Variants in EVPL observed in about 807,000 individuals in gnomAD.
EVPL encodes envoplakin.
In EVPL, 94 loss-of-function variants were observed where a neutral mutation model predicts 129.7. That is an observed-to-expected ratio of 0.72 (90% CI 0.61 to 0.86). The LOEUF is 0.86. EVPL is among the 40% of genes least tolerant of loss of function. The pLI, the probability that EVPL is intolerant of heterozygous loss-of-function variation, is 0.00. For missense variants in EVPL, 2,625 were observed against 2,721.1 expected, an observed-to-expected ratio of 0.96 and a Z score of 0.79; for synonymous variants, 1,172 against 1,191.1, an observed-to-expected ratio of 0.98 and a Z score of 0.33.
intron 9 of EVPL, 43 bp downstream of exon 9, chr17:76,021,425 C>A (rs751208425): frequency 1.3e-6 from 2 of 1,560,802 alleles, no homozygotes; most frequent in South Asian, 2.4e-5. Context: ...CCCCTGCCGC[C>A]CCTGCCGCCC....
Position 76,015,097 on chromosome 17 carries a change from C to A in EVPL, c.2041G>T (p.Glu681Ter). 6.4e-7 allele frequency: 1 copy of A among 1,574,364 alleles called. No individual in the cohort carries two copies. Among genetic ancestry groups the A allele is most frequent in the Non-Finnish European group, 8.6e-7 (1 of 1,160,176 alleles). Residue 681 changes from glutamate (E) to a stop codon, truncating the protein, a stop_gained, in exon 17 of 22, where the codon GAG becomes TAG. Coordinates refer to ENST00000301607, the MANE Select transcript of EVPL (RefSeq NM_001988.4). LOFTEE classifies it high-confidence loss of function. Reference protein sequence around the residue: ...RVSELQRQRRELLEQQTCVLR... With the variant: ...RVSELQRQRR Reference sequence around the variant, plus strand: ...ACGCAGGTCTGCTGTTCCAGCAGCTCCCTCCGCTGGCGCTGCAGGAGGAGG... The same window carrying A: ...ACGCAGGTCTGCTGTTCCAGCAGCTACCTCCGCTGGCGCTGCAGGAGGAGG...
In EVPL at chr17:76,006,964, A is replaced by G. The variant is rs992164616; in HGVS notation, c.*139T>C. 3 of 1,012,378 alleles carry G rather than the reference A, an allele frequency of 3.0e-6. No individual in the cohort carries two copies. The highest frequency in any genetic ancestry group is 3.8e-6 in the Non-Finnish European group (3 of 780,994). The allele number at this position is 1,012,378 out of a possible 1,614,324, so 62.7% of individuals were successfully genotyped here. A position where few individuals can be genotyped will look rare whatever the true frequency, so the allele number is the denominator to read the frequency against. ...CCAAGGTTAGGGGAGGGAGCCCATC[A>G]CCATGTTAGTAAAATAATAAAACAG... On this transcript the variant is annotated 3_prime_UTR_variant, in exon 22 of 22. Transcript: ENST00000301607.
chr17:76,018,896 A>G lies in EVPL; in HGVS notation c.1284+18T>C. ...GCGGGGCTGGATGGTGGCAGGGGTG[A>G]GGTGGGGGAGTTCGCACTTCTCCTG... On this transcript the variant is annotated intron_variant, in intron 11 of 21. Coordinates refer to ENST00000301607, the MANE Select transcript of EVPL (RefSeq NM_001988.4). 1 of 1,508,808 alleles carries G rather than the reference A, an allele frequency of 6.6e-7. No homozygotes were observed. Among genetic ancestry groups the G allele is most frequent in the Non-Finnish European group, 8.8e-7 (1 of 1,130,228 alleles). 93.5% of individuals were successfully genotyped at this position (1,508,808 alleles called of 1,614,324 possible). A position where few individuals can be genotyped will look rare whatever the true frequency, so the allele number is the denominator to read the frequency against.
Position 76,018,149 on chromosome 17 carries a change from C to T in EVPL, c.1537+12G>A. 5.2e-6 allele frequency: 8 copies of T among 1,550,890 alleles called. No individual in the cohort carries two copies. Among genetic ancestry groups the T allele is most frequent in the South Asian group, 2.4e-5 (2 of 84,062 alleles). Reference sequence around the variant, plus strand: ...GCCCCACAGCCACCTCTCCCCGGGCCACCCTGGGTACCCTGCTGGCTGGGC... The same window carrying T: ...GCCCCACAGCCACCTCTCCCCGGGCTACCCTGGGTACCCTGCTGGCTGGGC... On this transcript the variant is annotated intron_variant, in intron 13 of 21. Coordinates refer to ENST00000301607, the MANE Select transcript of EVPL (RefSeq NM_001988.4).
In EVPL at chr17:76,019,713, C is replaced by CAAACCAGCTGAACCT. The variant is rs1210159603; in HGVS notation, c.1012-75_1012-61dup. The CAAACCAGCTGAACCT allele has an allele frequency of 3.2e-6, 5 of 1,563,788 alleles. No individual in the cohort carries two copies. In the East Asian group the frequency reaches 1.2e-4, roughly 36 times the overall value. On this transcript the variant is annotated intron_variant, in intron 9 of 21. Transcript: ENST00000301607. ...TGCAACCTGCTGCCCACTGACCCTA[C>CAAACCAGCTGAACCT]AAACCAGCTGAACCTAAGCCAGCTA...
Position 76,007,604 on chromosome 17 carries a change from G to T in EVPL, c.5601C>A (p.Gly1867=). ...KLLEAQAATG[G]IVDLLSRERY... ...GCTCACGGCTGAGCAGGTCCACGAT[G>T]CCCCCTGTGGCCGCCTGGGCCTCCA... The change falls in exon 22 of 22, where the codon GGC becomes GGA. Residue 1867 remains glycine (G), a synonymous_variant. Transcript: ENST00000301607. The surrounding 1 kb of genome is among the most constrained non-coding windows in gnomAD (Gnocchi z 8.8). The T allele has an allele frequency of 6.2e-7, 1 of 1,613,922 alleles. No individual in the cohort carries two copies. Among genetic ancestry groups the T allele is most frequent in the Non-Finnish European group, 8.5e-7 (1 of 1,180,046 alleles).
rs773567962 is a variant in EVPL at position 76,015,570 on chromosome 17, C to A, written c.1769G>T (p.Cys590Phe). ...GTEKETAQKE[C>F]EAFLSTRPVG... ...GGGCCGCGTGGACAGAAACGCCTCG[C>A]ACTCCTTCTGGGCTGTCTCCTTCTC... The change falls in exon 15 of 22, where the codon TGC becomes TTC. Residue 590 changes from cysteine to phenylalanine, a missense_variant. Cys to Phe is a radical substitution (Grantham distance 205). Transcript: ENST00000301607. 24 of 1,613,362 alleles carry A rather than the reference C, an allele frequency of 1.5e-5. No homozygotes were observed. Among genetic ancestry groups the A allele is most frequent in the Non-Finnish European group, 1.9e-5 (22 of 1,180,040 alleles).
intron 9 of EVPL, among the ~76,000 whole-genome samples, chr17:76,020,564 A>G (rs1012394495): frequency 1.5e-4 from 22 of 150,436 alleles, no homozygotes; most frequent in African/African-American, 5.4e-4. Flanking sequence ...TGTATGAAAC[A>G]TTATCTGCCC....
rs760018710 is a variant in EVPL, at chr17:76,008,377, T to TCTG, written c.4825_4827dup (p.Gln1609dup). The TCTG allele has an allele frequency of 5.0e-6, 8 of 1,599,648 alleles. No individual in the cohort carries two copies. The highest frequency in any genetic ancestry group is 1.6e-4 in the Middle Eastern group (1 of 6,072). On this transcript the variant is annotated inframe_insertion, in exon 22 of 22. Coordinates refer to ENST00000301607, the MANE Select transcript of EVPL (RefSeq NM_001988.4). The surrounding 1 kb of genome is among the most constrained non-coding windows in gnomAD (Gnocchi z 7.4). ...TTCGACTCCTCCTGCAGCTGCAGTG[T>TCTG]CTGCTGCTGCTTCTGCCTCTCCAGA...
chr17:76,015,282 T>C lies in EVPL; in HGVS notation c.1973A>G (p.Glu658Gly), dbSNP rs1192704024. The C allele has an allele frequency of 1.2e-6, 2 of 1,602,806 alleles. No homozygotes were observed. Among genetic ancestry groups the C allele is most frequent in the Non-Finnish European group, 1.7e-6 (2 of 1,178,834 alleles). The change falls in exon 16 of 22, where the codon GAG (glutamate) becomes GGG (glycine). Residue 658 changes from glutamate (E) to glycine (G), a missense_variant. Glu to Gly is a moderately conservative substitution (Grantham distance 98). This residue lies in a region of EVPL where 1,024 missense variants were observed against 997.5 expected (regional missense o/e 1.03). Transcript: ENST00000301607. ...IRGFEATLVQEAPIPAEPGAL... is the reference protein window; with the variant it reads ...IRGFEATLVQGAPIPAEPGAL... ...CCCCGGTTCAGCAGGGATGGGGGCC[T>C]CCTGCACCAGGGTGGCCTCGAAGCC...
At chr17:76,016,580 C>A (rs1189350174) in intron 14 of EVPL, among the ~76,000 whole-genome samples, 1 of 152,184 alleles carries the variant, frequency 6.6e-6, no homozygotes, top group African/African-American at 2.4e-5. Flanking sequence ...ATGCCACTGG[C>A]CCTCCAGCCT....
intron 21 of EVPL, among the ~76,000 whole-genome samples, chr17:76,011,305 TTG>T (rs936371404): frequency 6.6e-6 from 1 of 152,208 alleles, no homozygotes; most frequent in African/African-American, 2.4e-5. Flanking sequence ...GTTAGAGGTC[TTG>T]TCCCATTGGA....
At chr17:76,019,462 C>A in intron 10 of EVPL, 66 bp downstream of exon 10, 1 of 1,495,020 alleles carries the variant, frequency 6.7e-7, no homozygotes, top group Non-Finnish European at 8.9e-7. Flanking sequence ...AGGGGTGAGG[C>A]CCAGAAAAAT....
In EVPL at chr17:76,009,325, G is replaced by A; in HGVS notation, c.3880C>T (p.Leu1294=). 2 of 1,611,594 alleles carry A rather than the reference G, an allele frequency of 1.2e-6. No homozygotes were observed. The highest frequency in any genetic ancestry group is 1.7e-4 in the Middle Eastern group (1 of 6,060). Residue 1294 remains leucine, a synonymous_variant, in exon 22 of 22, where the codon CTG becomes TTG. Transcript: ENST00000301607. The surrounding 1 kb of genome is among the most constrained non-coding windows in gnomAD (Gnocchi z 5.9). Reference sequence around the variant, plus strand: ...CTCCACTCGTCGCGCTCACCCTGCAGGCGGATGAGCTGCTCCTGGGAGCGC... The same window carrying A: ...CTCCACTCGTCGCGCTCACCCTGCAAGCGGATGAGCTGCTCCTGGGAGCGC... ...HGRSQEQLIR[L]QGERDEWRRE...
At chr17:76,019,680 G>A (rs371976738) in intron 9 of EVPL, 27 bp from the exon 10 acceptor site, 103 of 1,604,930 alleles carry the variant, frequency 6.4e-5, no homozygotes, top group Non-Finnish European at 5.5e-5. Flanking sequence ...GTCAAGGGCA[G>A]AGCCTCGTGC....
At chr17:76,015,869 C>T (rs1374971854) in intron 14 of EVPL, among the ~76,000 whole-genome samples, 1 of 152,168 alleles carries the variant, frequency 6.6e-6, no homozygotes. Flanking sequence ...AGGGGCCGGG[C>T]GCAGTGGCTC....
chr17:76,017,038 C>A (rs1444963431), intron 14 of EVPL, among the ~76,000 whole-genome samples: 1 of 152,126 alleles, frequency 6.6e-6, no homozygotes, highest in African/African-American at 2.4e-5. Context: ...CATGGTGAAA[C>A]CCCATCTCTA....
rs1338491268 is a variant in EVPL, at chr17:76,007,598, C to G, written c.5607G>C (p.Val1869=). 7.4e-6 allele frequency: 12 copies of G among 1,614,048 alleles called. No homozygotes were observed. The highest frequency in any genetic ancestry group is 1.0e-5 in the Non-Finnish European group (12 of 1,180,050). Residue 1869 remains valine (V), a synonymous_variant, in exon 22 of 22, where the codon GTG becomes GTC. Transcript: ENST00000301607. The surrounding 1 kb of genome is among the most constrained non-coding windows in gnomAD (Gnocchi z 8.8). ...AGTAGCGCTCACGGCTGAGCAGGTC[C>G]ACGATGCCCCCTGTGGCCGCCTGGG... The part of the protein sequence containing the change: ...LEAQAATGGI[V]DLLSRERYSV...
rs771427118 is a variant in EVPL at position 76,027,218 on chromosome 17, G to C, written c.-20C>G. The C allele has an allele frequency of 1.3e-6, 2 of 1,573,488 alleles. No individual in the cohort carries two copies. The highest frequency in any genetic ancestry group is 1.7e-6 in the Non-Finnish European group (2 of 1,147,960). Reference sequence around the variant, plus strand: ...GAACATGGTCGTAAAGGCAAGTGCTGGCTCAGGCTGGGCTTGGCTGGCGAA... The same window carrying C: ...GAACATGGTCGTAAAGGCAAGTGCTCGCTCAGGCTGGGCTTGGCTGGCGAA... On this transcript the variant is annotated 5_prime_UTR_variant, in exon 1 of 22. Coordinates refer to ENST00000301607, the MANE Select transcript of EVPL (RefSeq NM_001988.4).
Sources: allele counts gnomAD v4.1 joint callset (sites outside exome capture counted in the v4.1 genomes callset), GRCh38; gene constraint gnomAD v4.1.1; regional missense constraint gnomAD v4.1.1; non-coding constraint Gnocchi (gnomAD v3.1); transcripts MANE v1.5; gene names NCBI Gene and HGNC (gene_info 2026-07-23, HGNC 2026-07-21).